DOCK7: variants seen among roughly 807,000 people sequenced by gnomAD.
The protein encoded by DOCK7 is dedicator of cytokinesis 7, also known as dedicator of cytokinesis protein 7.
DOCK7 carries 138 observed loss-of-function variants against 271.0 expected under a neutral mutation model. That is an observed-to-expected ratio of 0.51 (90% CI 0.44 to 0.59). The LOEUF is 0.59. Among genes scored for constraint, DOCK7 ranks in the 20% least tolerant of loss-of-function variants. The pLI, the probability that DOCK7 is intolerant of heterozygous loss-of-function variation, is 0.00. For missense variants in DOCK7, 2,066 were observed against 2,592.4 expected (o/e 0.80, Z 4.41); for synonymous variants, 823 against 876.1 (o/e 0.94, Z 1.07).
chr1:62,677,177 T>C (rs1000170683), intron 1 of DOCK7, among the ~76,000 whole-genome samples: 9 of 152,192 alleles, frequency 5.9e-5, no homozygotes, highest in African/African-American at 2.2e-4. Context: ...AAACCCTTCT[T>C]TGGTAAGGAA....
intron 15 of DOCK7, chr1:62,584,645 T>C: frequency 3.8e-6 from 5 of 1,324,678 alleles, no homozygotes; most frequent in Non-Finnish European, 4.8e-6. Context: ...CTTTTAATCA[T>C]TTAGCAATAT....
intron 19 of DOCK7, among the ~76,000 whole-genome samples, 165 bp downstream of exon 19, chr1:62,561,452 T>TA (rs1416511006): frequency 1.3e-5 from 2 of 152,286 alleles, no homozygotes; most frequent in Admixed American, 6.5e-5. Context: ...TGATTCTTTT[T>TA]AAAAAAATCT....
intron 15 of DOCK7, chr1:62,584,531 C>A: frequency 9.0e-7 from 1 of 1,115,090 alleles, no homozygotes; most frequent in Non-Finnish European, 1.1e-6. Context: ...AATGCAATAC[C>A]TTTTTTCCCT....
chr1:62,587,815 G>A (rs948476226), intron 14 of DOCK7, among the ~76,000 whole-genome samples: 2 of 152,128 alleles, frequency 1.3e-5, no homozygotes, highest in Non-Finnish European at 2.9e-5. Context: ...GTGTGGGGGT[G>A]TGGGGGAAGG....
chr1:62,607,345 C>A (rs946787668), intron 14 of DOCK7, among the ~76,000 whole-genome samples: 1 of 152,184 alleles, frequency 6.6e-6, no homozygotes, highest in Non-Finnish European at 1.5e-5. Flanking sequence ...TCACAGAAGC[C>A]TGGAACCCGG....
At chr1:62,535,098 C>CTTTT (rs1405704767) in intron 29 of DOCK7, among the ~76,000 whole-genome samples, 3 of 151,912 alleles carry the variant, frequency 2.0e-5, no homozygotes, top group Non-Finnish European at 4.4e-5. Flanking sequence ...CAAACAAACA[C>CTTTT]ACAAAAAAAG....
intron 19 of DOCK7, 76 bp from the exon 20 acceptor site, chr1:62,559,296 A>G: frequency 9.3e-7 from 1 of 1,075,854 alleles, no homozygotes; most frequent in Non-Finnish European, 1.3e-6. Context: ...ACCACGGACC[A>G]CAAACATGTC....
intron 11 of DOCK7, among the ~76,000 whole-genome samples, chr1:62,627,190 T>G (rs985904109): frequency 2.6e-5 from 4 of 152,162 alleles, no homozygotes; most frequent in Admixed American, 2.0e-4. Flanking sequence ...CAGACTTTCA[T>G]GATAAAAACA....
At chr1:62,557,635 C>A (rs1439680764) in intron 20 of DOCK7, among the ~76,000 whole-genome samples, 2 of 147,154 alleles carry the variant, frequency 1.4e-5, no homozygotes, top group Non-Finnish European at 3.0e-5. Flanking sequence ...GAGAGAGGGA[C>A]TCTGGAACCA....
chr1:62,605,304 T>C (rs936413727), intron 14 of DOCK7: 2 of 153,102 alleles, frequency 1.3e-5, no homozygotes, highest in African/African-American at 4.8e-5. Context: ...GCACAGAGTA[T>C]GTGTAAAAAT....
chr1:62,649,347 C>T (rs554663322), intron 4 of DOCK7, among the ~76,000 whole-genome samples: 2 of 152,288 alleles, frequency 1.3e-5, no homozygotes, highest in Non-Finnish European at 2.9e-5. Flanking sequence ...ATGAATTACT[C>T]ACATCCAGTC....
At chr1:62,634,552 T>C (rs756053118) in intron 9 of DOCK7, 3 of 359,306 alleles carry the variant, frequency 8.3e-6, no homozygotes, top group East Asian at 4.6e-5. Flanking sequence ...ATCTAAGATA[T>C]ATATATAATT....
rs1184996795 is a variant in DOCK7 at position 62,574,438 on chromosome 1, A to T, written c.2112+2824T>A. Among the ~76,000 whole-genome samples, 5 of 152,296 alleles carry T rather than the reference A, an allele frequency of 3.3e-5. No homozygotes were observed. In the East Asian group the frequency reaches 9.7e-4, roughly 29 times the overall value. ...TTGTGGATATGGCAAAAAGGAAAAA[A>T]AAAAGTGAGGGGTATAGATTTCCAA... On this transcript the variant is annotated intron_variant, in intron 18 of 49. Coordinates refer to ENST00000635253, the MANE Select transcript of DOCK7 (RefSeq NM_001367561.1).
At chr1:62,591,231 A>AG (rs1648396534) in intron 14 of DOCK7, among the ~76,000 whole-genome samples, 1 of 152,222 alleles carries the variant, frequency 6.6e-6, no homozygotes, top group Non-Finnish European at 1.5e-5. Flanking sequence ...CACTATCCTT[A>AG]GCAAACTAAT....
rs974228407 is a variant in DOCK7 at position 62,468,966 on chromosome 1, G to C, written c.6212+5016C>G. 3.3e-5 allele frequency among the ~76,000 whole-genome samples: 5 copies of C among 152,148 alleles called. No homozygotes were observed. The South Asian group carries it at 6.2e-4, about 19-fold the overall frequency. The stretch of plus-strand genomic sequence containing the variant: ...CACATCCCATGTTCATGGATGGGTA[G>C]AATCAATATTGTCAAAATGACCATA... On this transcript the variant is annotated intron_variant, in intron 48 of 49. Coordinates refer to ENST00000635253, the MANE Select transcript of DOCK7 (RefSeq NM_001367561.1).
rs184228700 is a variant in DOCK7 at position 62,589,506 on chromosome 1, C to T, written c.1683-2882G>A. ...CCCCGACCTGGAGTCAGTCATTTTACCAAGAAGCTGTAGTTTTCTTAAGAA... is the reference window on the plus strand; with the variant it reads ...CCCCGACCTGGAGTCAGTCATTTTATCAAGAAGCTGTAGTTTTCTTAAGAA... On this transcript the variant is annotated intron_variant, in intron 14 of 49. Coordinates refer to ENST00000635253, the MANE Select transcript of DOCK7 (RefSeq NM_001367561.1). Among the ~76,000 whole-genome samples, 482 of 151,816 alleles carry T rather than the reference C, an allele frequency of 3.2e-3. 4 individuals carry two copies. The highest frequency in any genetic ancestry group is 0.011 in the African/African-American group (467 of 41,428).
rs540563029 is a variant in DOCK7, at chr1:62,514,592, A to G, written c.3937-694T>C. On this transcript the variant is annotated intron_variant, in intron 31 of 49. Coordinates refer to ENST00000635253, the MANE Select transcript of DOCK7 (RefSeq NM_001367561.1). ...ACATTATTTGATTTAGTCCTCCAACAGTATTGCCAAGCAGGTCGTATCATC... is the reference window on the plus strand; with the variant it reads ...ACATTATTTGATTTAGTCCTCCAACGGTATTGCCAAGCAGGTCGTATCATC... Among the ~76,000 whole-genome samples, 153 of 152,238 alleles carry G rather than the reference A, an allele frequency of 1.0e-3. 3 individuals carry two copies. The highest frequency in any genetic ancestry group is 3.4e-3 in the Middle Eastern group (1 of 294).
chr1:62,559,308 T>C (rs1479782645), intron 19 of DOCK7, 88 bp from the exon 20 acceptor site: 1 of 904,080 alleles, frequency 1.1e-6, no homozygotes, highest in African/African-American at 1.7e-5. Context: ...AAACATGTCA[T>C]ATTACTTGAT....
At chr1:62,504,553 A>C (rs910669014) in intron 37 of DOCK7, 77 bp downstream of exon 37, 11 of 1,460,386 alleles carry the variant, frequency 7.5e-6, no homozygotes, top group Non-Finnish European at 1.0e-5. Context: ...ATGCTCTCCC[A>C]AAAACTGATT....
Sources: gnomAD v4.1 joint callset for allele counts (sites outside exome capture counted in the v4.1 genomes callset) on GRCh38, gnomAD v4.1.1 for gene constraint, MANE v1.5 for transcripts, NCBI Gene and HGNC (gene_info 2026-07-23, HGNC 2026-07-21) for gene names.